Variants in KATNIP observed in about 807,000 individuals in gnomAD.
The protein encoded by KATNIP is katanin-interacting protein.
A neutral mutation model predicts 174.0 loss-of-function variants in KATNIP; 126 were observed. The ratio of observed to expected loss-of-function variants is 0.72; its 90% CI spans 0.63 to 0.84. The LOEUF (loss-of-function observed/expected upper bound fraction) is 0.84, where lower values mean the gene tolerates loss of function less well. Ranked by LOEUF, KATNIP falls within the 40% of genes least tolerant of loss-of-function variation. KATNIP has a pLI of 0.00. For missense variants in KATNIP, 1,958 were observed against 2,109.7 expected, an observed-to-expected ratio of 0.93 and a Z score of 1.41; for synonymous variants, 810 against 835.7, an observed-to-expected ratio of 0.97 and a Z score of 0.53.
chr16:27,563,837 C>G (rs1024422698), intron 1 of KATNIP, among the ~76,000 whole-genome samples: 3 of 149,118 alleles, frequency 2.0e-5, no homozygotes, highest in African/African-American at 7.5e-5. Context: ...ATTGCTTGAA[C>G]CCAGGAGTTC....
intron 6 of KATNIP, among the ~76,000 whole-genome samples, chr16:27,653,142 G>T (rs1184931745): frequency 6.6e-6 from 1 of 152,198 alleles, no homozygotes; most frequent in Non-Finnish European, 1.5e-5. Flanking sequence ...TATCCAAGAA[G>T]AGATCATTGA....
At chr16:27,660,115 G>T (rs928696878) in intron 6 of KATNIP, 2 of 599,966 alleles carry the variant, frequency 3.3e-6, no homozygotes, top group African/African-American at 4.0e-5. Flanking sequence ...ACATTCTGGG[G>T]CCTTGGCTAA....
intron 5 of KATNIP, among the ~76,000 whole-genome samples, chr16:27,635,604 A>C (rs2076609684): frequency 7.7e-6 from 1 of 130,556 alleles, no homozygotes; most frequent in East Asian, 2.0e-4. Context: ...TCTAGGGTTC[A>C]AAAAAAAAAA....
At chr16:27,755,937 A>G (rs1013719033) in intron 18 of KATNIP, among the ~76,000 whole-genome samples, 5 of 152,186 alleles carry the variant, frequency 3.3e-5, no homozygotes, top group Non-Finnish European at 7.4e-5. Context: ...CCAGCCGGAC[A>G]TGGCTTTTTG....
intron 2 of KATNIP, among the ~76,000 whole-genome samples, chr16:27,615,676 A>G (rs1347442619): frequency 6.6e-6 from 1 of 152,094 alleles, no homozygotes; most frequent in Non-Finnish European, 1.5e-5. Context: ...CTTAATGATT[A>G]TCATGAGGAT....
At chr16:27,643,359 G>A (rs2076861194) in intron 5 of KATNIP, 1 of 152,298 alleles carries the variant, frequency 6.6e-6, no homozygotes. Context: ...GGGAGGCCAA[G>A]GCAGGTAGAT....
intron 15 of KATNIP, among the ~76,000 whole-genome samples, chr16:27,741,673 C>A (rs1400623748): frequency 6.6e-6 from 1 of 152,128 alleles, no homozygotes; most frequent in African/African-American, 2.4e-5. Context: ...GAGGCCGAGG[C>A]GGGCAGATAA....
chr16:27,759,391 T>C (rs1267201510), intron 18 of KATNIP, among the ~76,000 whole-genome samples: 1 of 152,220 alleles, frequency 6.6e-6, no homozygotes, highest in East Asian at 1.9e-4. Context: ...ATTGGAACAC[T>C]GACTCATGCT....
At chr16:27,575,789 G>A (rs1380714530) in intron 2 of KATNIP, among the ~76,000 whole-genome samples, 1 of 152,170 alleles carries the variant, frequency 6.6e-6, no homozygotes, top group Non-Finnish European at 1.5e-5. Context: ...AGCCCATCTA[G>A]GATGAGGGCT....
intron 13 of KATNIP, among the ~76,000 whole-genome samples, chr16:27,711,701 TCA>T (rs1236063880): frequency 1.3e-5 from 2 of 152,146 alleles, no homozygotes; most frequent in African/African-American, 4.8e-5. Context: ...GTAATATATG[TCA>T]CAAGTAAAAA....
chr16:27,716,468 T>C (rs2079942540), intron 13 of KATNIP, among the ~76,000 whole-genome samples: 1 of 151,694 alleles, frequency 6.6e-6, no homozygotes, highest in South Asian at 2.1e-4. Flanking sequence ...ATGAATTATA[T>C]CTCAATTAAA....
intron 6 of KATNIP, among the ~76,000 whole-genome samples, chr16:27,668,085 T>G (rs940468470): frequency 1.3e-4 from 20 of 152,334 alleles, no homozygotes; most frequent in Middle Eastern, 3.4e-3. Context: ...ACGGGCAGGT[T>G]TATCAATTTT....
intron 6 of KATNIP, among the ~76,000 whole-genome samples, chr16:27,663,407 T>G (rs2077585374): frequency 6.6e-6 from 1 of 151,892 alleles, no homozygotes; most frequent in Non-Finnish European, 1.5e-5. Flanking sequence ...ATGTAATACT[T>G]TCATTGTCAT....
At chr16:27,767,684 C>T (rs576763535) in intron 20 of KATNIP, among the ~76,000 whole-genome samples, 1 of 152,284 alleles carries the variant, frequency 6.6e-6, no homozygotes, top group South Asian at 2.1e-4. Flanking sequence ...GCACTCTAGC[C>T]TGGGTGACAG....
intron 1 of KATNIP, among the ~76,000 whole-genome samples, chr16:27,555,995 G>A (rs2089609282): frequency 6.6e-6 from 1 of 152,038 alleles, no homozygotes; most frequent in Non-Finnish European, 1.5e-5. Context: ...AGGTGTGGTG[G>A]CGGGTGCCTG....
At chr16:27,681,140 G>A (rs1454243128) in intron 7 of KATNIP, 2 of 384,270 alleles carry the variant, frequency 5.2e-6, no homozygotes, top group Non-Finnish European at 9.8e-6. Flanking sequence ...GCCTAGCCAG[G>A]AAACATTAAA....
chr16:27,749,805 C>G lies in KATNIP; in HGVS notation c.2845C>G (p.Leu949Val). 3 of 1,612,024 alleles carry G rather than the reference C, an allele frequency of 1.9e-6. No individual in the cohort carries two copies. The highest frequency in any genetic ancestry group is 2.5e-6 in the Non-Finnish European group (3 of 1,178,832). The change falls in exon 16 of 28, where the codon CTG (leucine) becomes GTG (valine). Residue 949 changes from leucine to valine, a missense_variant. Transcript: ENST00000261588. ...PPSKKGEQPG[L>V]SRGQDGYSGE... is the part of the protein sequence containing the mutation. ...CTCCAAGAAGGGGGAGCAGCCAGGGCTGTCGAGAGGGCAGGATGGCTACTC... is the reference window on the plus strand; with the variant it reads ...CTCCAAGAAGGGGGAGCAGCCAGGGGTGTCGAGAGGGCAGGATGGCTACTC...
chr16:27,596,156 C>G (rs564988554), intron 2 of KATNIP, among the ~76,000 whole-genome samples: 3 of 152,004 alleles, frequency 2.0e-5, no homozygotes, highest in Non-Finnish European at 4.4e-5. Context: ...TGACCACAGG[C>G]GAAGGTGAAA....
At chr16:27,735,789 A>G (rs546554383) in intron 14 of KATNIP, among the ~76,000 whole-genome samples, 1 of 152,264 alleles carries the variant, frequency 6.6e-6, no homozygotes, top group East Asian at 1.9e-4. Context: ...CAGGAAGGCT[A>G]AGAAGGGGTT....
Sources: gnomAD v4.1 joint callset for allele counts (sites outside exome capture counted in the v4.1 genomes callset) on GRCh38, gnomAD v4.1.1 for gene constraint, MANE v1.5 for transcripts, NCBI Gene and HGNC (gene_info 2026-07-23, HGNC 2026-07-21) for gene names.